THSD7B: variants seen among roughly 807,000 people sequenced by gnomAD.
The protein encoded by THSD7B is thrombospondin type 1 domain containing 7B, also known as thrombospondin type-1 domain-containing protein 7B.
THSD7B carries 138 observed loss-of-function variants against 213.6 expected under a neutral mutation model. The observed-to-expected ratio is 0.65, with a 90% CI of 0.56 to 0.74. The LOEUF is 0.74. Among genes scored for constraint, THSD7B ranks in the 30% least tolerant of loss-of-function variants. THSD7B has a pLI of 0.00. For missense variants in THSD7B, 1,931 were observed against 1,991.5 expected (o/e 0.97, Z 0.58); for synonymous variants, 742 against 687.0 (o/e 1.08, Z -1.25).
chr2:137,416,851 C>T (rs1686810750), intron 14 of THSD7B, among the ~76,000 whole-genome samples: 1 of 152,216 alleles, frequency 6.6e-6, no homozygotes, highest in African/African-American at 2.4e-5. Flanking sequence ...AATTACATTG[C>T]TGCTAGTGGA....
rs201127163 is a variant in THSD7B, at chr2:137,616,234, C to G, written c.3483C>G (p.Asn1161Lys). 1 of 1,613,856 alleles carries G rather than the reference C, an allele frequency of 6.2e-7. No homozygotes were observed. Among genetic ancestry groups the G allele is most frequent in the South Asian group, 1.1e-5 (1 of 91,082 alleles). The change falls in exon 18 of 28, where the codon AAC becomes AAG. Residue 1161 changes from asparagine (N) to lysine (K), a missense_variant. By Grantham distance (94) the Asn-to-Lys change is moderately conservative. Coordinates refer to ENST00000409968, the MANE Select transcript of THSD7B (RefSeq NM_001316349.2). ...GCCACCTGCTAAGACCATCACTGAA[C>G]TCAAGGACTTGTGCTGAAGACTCAC... ...RTRHLLRPSL[N>K]SRTCAEDSQV...
At chr2:137,027,791 A>G (rs1438503749) in intron 2 of THSD7B, among the ~76,000 whole-genome samples, 1 of 152,166 alleles carries the variant, frequency 6.6e-6, no homozygotes, top group Non-Finnish European at 1.5e-5. Flanking sequence ...TATTTGTAGA[A>G]TGAATAACAA....
intron 3 of THSD7B, among the ~76,000 whole-genome samples, chr2:137,079,260 T>G (rs1469442800): frequency 1.3e-5 from 2 of 152,160 alleles, no homozygotes; most frequent in Non-Finnish European, 1.5e-5. Flanking sequence ...TTGATTATAT[T>G]TTTTAGTTTT....
At position 137,618,415 on chromosome 2, in the gene THSD7B, GA is replaced by G; in HGVS notation, c.3593del (p.Asn1198ThrfsTer13). ...LTEWSTCQLS[E>X]NAPCGQGVRT... ...AGAGTGGAGCACATGCCAGCTGAGT[GA>G]AAACGCACCCTGTGGTCAAGGCGTC... On this transcript the variant is annotated frameshift_variant, in exon 19 of 28. Transcript: ENST00000409968. LOFTEE classifies it high-confidence loss of function. The G allele has an allele frequency of 6.2e-7, 1 of 1,613,828 alleles. No homozygotes were observed. Among genetic ancestry groups the G allele is most frequent in the Non-Finnish European group, 8.5e-7 (1 of 1,179,842 alleles).
At chr2:137,166,885 A>G (rs965768123) in intron 6 of THSD7B, among the ~76,000 whole-genome samples, 1 of 151,984 alleles carries the variant, frequency 6.6e-6, no homozygotes, top group Non-Finnish European at 1.5e-5. Context: ...CGTTCTGTTA[A>G]CTTCTCATTC....
intron 12 of THSD7B, among the ~76,000 whole-genome samples, chr2:137,346,789 G>T (rs2104914700): frequency 6.6e-6 from 1 of 151,664 alleles, no homozygotes; most frequent in South Asian, 2.1e-4. Flanking sequence ...TTATGTTTGT[G>T]TGTATGTACT....
chr2:136,942,808 T>G (rs567279515), intron 2 of THSD7B, among the ~76,000 whole-genome samples: 31 of 152,340 alleles, frequency 2.0e-4, no homozygotes, highest in South Asian at 1.0e-3. Flanking sequence ...AGGGACAATT[T>G]GACTTCCTCT....
At chr2:137,154,253 C>T (rs757232725) in intron 5 of THSD7B, among the ~76,000 whole-genome samples, 2 of 152,036 alleles carry the variant, frequency 1.3e-5, no homozygotes, top group Non-Finnish European at 2.9e-5. Context: ...AAATTAGTAT[C>T]TTGTGACGAA....
intron 5 of THSD7B, among the ~76,000 whole-genome samples, chr2:137,132,506 A>G (rs1157247406): frequency 2.0e-5 from 3 of 152,132 alleles, no homozygotes; most frequent in Non-Finnish European, 4.4e-5. Flanking sequence ...CATATTATCA[A>G]TATATTAACT....
At chr2:136,912,330 A>T (rs143738042) in intron 2 of THSD7B, among the ~76,000 whole-genome samples, 1,507 of 141,680 alleles carry the variant, frequency 0.011, 30 homozygotes, top group South Asian at 0.032. Flanking sequence ...TCAAAAAAAA[A>T]AAAAAAAAAA....
chr2:137,675,558 A>C (rs1340904298), intron 27 of THSD7B, among the ~76,000 whole-genome samples: 1 of 151,932 alleles, frequency 6.6e-6, no homozygotes, highest in African/African-American at 2.4e-5. Flanking sequence ...CAGCCTTGGT[A>C]GTCCTTCTCT....
Position 137,124,177 on chromosome 2 carries a change from G to A in THSD7B, c.1369+8884G>A, listed in dbSNP as rs190339636. 4.0e-3 allele frequency among the ~76,000 whole-genome samples: 604 copies of A among 152,218 alleles called. 2 individuals are homozygous for A. The highest frequency in any genetic ancestry group is 0.012 in the South Asian group (60 of 4,826). On this transcript the variant is annotated intron_variant, in intron 5 of 27. Coordinates refer to ENST00000409968, the MANE Select transcript of THSD7B (RefSeq NM_001316349.2). ...GTGCATTTACAATCTTCAGTTGAGC[G>A]TCTCGCTCATCTTCATTTTGTCAGC...
chr2:137,656,713 CTG>C, intron 22 of THSD7B, 81 bp from the exon 23 acceptor site: 4 of 1,365,620 alleles, frequency 2.9e-6, no homozygotes, highest in Non-Finnish European at 4.0e-6. Context: ...CTGCAAATCT[CTG>C]TGTGAGCCCT....
chr2:137,014,835 A>G (rs939456138), intron 2 of THSD7B, among the ~76,000 whole-genome samples: 7 of 151,800 alleles, frequency 4.6e-5, no homozygotes, highest in South Asian at 2.1e-4. Flanking sequence ...GACATCTTCA[A>G]TTTCCTTCAC....
intron 1 of THSD7B, among the ~76,000 whole-genome samples, chr2:136,827,911 C>G (rs1202976638): frequency 1.3e-5 from 2 of 152,068 alleles, no homozygotes; most frequent in Non-Finnish European, 2.9e-5. Flanking sequence ...CCTATTTGCT[C>G]ATTCAGGGAT....
chr2:137,272,689 GT>G, intron 11 of THSD7B, 27 bp downstream of exon 11: 1 of 1,604,628 alleles, frequency 6.2e-7, no homozygotes, highest in Non-Finnish European at 8.5e-7. Context: ...TAAAATTATC[GT>G]TAGACCTACT....
chr2:137,284,184 C>T (rs1310717801), intron 12 of THSD7B, among the ~76,000 whole-genome samples: 83 of 152,182 alleles, frequency 5.5e-4, no homozygotes, highest in Non-Finnish European at 1.1e-3. Context: ...AGTTTATTTG[C>T]GTAGAGGTGT....
intron 1 of THSD7B, among the ~76,000 whole-genome samples, chr2:136,862,809 A>C (rs1272865462): frequency 6.6e-5 from 10 of 152,216 alleles, no homozygotes; most frequent in Non-Finnish European, 1.5e-5. Flanking sequence ...CTTAGCCCTT[A>C]GCCTTCTCCT....
rs1283278447 is a variant in THSD7B, at chr2:136,944,812, A to G, written c.139+62495A>G. Among the ~76,000 whole-genome samples the G allele has an allele frequency of 3.3e-5, 5 of 151,590 alleles. No homozygotes were observed. The South Asian group carries it at 1.0e-3, about 32-fold the overall frequency. The stretch of plus-strand genomic sequence containing the variant: ...CATGTGAGATGGGTCTCCTGAATAC[A>G]ACGCACTGATGGGTCTTGACTCTTT... On this transcript the variant is annotated intron_variant, in intron 2 of 27. Coordinates refer to ENST00000409968, the MANE Select transcript of THSD7B (RefSeq NM_001316349.2).
Sources: allele counts gnomAD v4.1 joint callset (sites outside exome capture counted in the v4.1 genomes callset), GRCh38; gene constraint gnomAD v4.1.1; transcripts MANE v1.5; gene names NCBI Gene and HGNC (gene_info 2026-07-23, HGNC 2026-07-21).